The following COL21A1 variants were observed in gnomAD, a reference collection of about 807,000 sequenced individuals.
COL21A1 encodes the protein collagen alpha-1(XXI) chain.
Under a neutral mutation model 137.9 loss-of-function variants are expected in COL21A1, and 149 were observed. The ratio of observed to expected loss-of-function variants is 1.08; its 90% CI spans 0.95 to 1.24. The LOEUF (loss-of-function observed/expected upper bound fraction) is 1.24. Among genes scored for constraint, COL21A1 ranks in the 50% most tolerant of loss-of-function variants. The pLI, the probability that COL21A1 is intolerant of heterozygous loss-of-function variation, is 0.00. For synonymous variants in COL21A1, 456 were observed against 391.5 expected (o/e 1.16, Z -1.95); for missense variants, 1,167 against 1,158.4 (o/e 1.01, Z -0.11).
At chr6:56,245,679 C>T (rs1782601719) in intron 1 of COL21A1, among the ~76,000 whole-genome samples, 1 of 152,122 alleles carries the variant, frequency 6.6e-6, no homozygotes, top group Non-Finnish European at 1.5e-5. Flanking sequence ...AAATGAGGCT[C>T]GGAGAAGCTA....
chr6:56,073,546 G>A (rs957063925), intron 20 of COL21A1, among the ~76,000 whole-genome samples: 4 of 151,450 alleles, frequency 2.6e-5, no homozygotes, highest in African/African-American at 7.3e-5. Flanking sequence ...CCTTTTAGAA[G>A]GCTGTCCTAG....
intron 1 of COL21A1, among the ~76,000 whole-genome samples, chr6:56,307,135 T>C (rs1764480632): frequency 6.6e-6 from 1 of 152,188 alleles, no homozygotes; most frequent in Non-Finnish European, 1.5e-5. Context: ...CTGCCCCTAC[T>C]GGGGGATGCC....
intron 1 of COL21A1, among the ~76,000 whole-genome samples, chr6:56,232,462 G>A (rs955205606): frequency 1.7e-4 from 26 of 151,966 alleles, no homozygotes; most frequent in African/African-American, 6.0e-4. Flanking sequence ...ATAAACTCAA[G>A]ACAGTATTGT....
intron 1 of COL21A1, chr6:56,276,511 GAAAACACCTTCA>G: frequency 9.0e-7 from 1 of 1,114,554 alleles, no homozygotes. Context: ...AAATAAACCA[GAAAACACCTTCA>G]TATTAATCAT....
At chr6:56,105,014 C>A (rs1261461456) in intron 16 of COL21A1, among the ~76,000 whole-genome samples, 1 of 152,158 alleles carries the variant, frequency 6.6e-6, no homozygotes, top group Non-Finnish European at 1.5e-5. Flanking sequence ...GATCTTATGG[C>A]ATAGTTTATT....
At chr6:56,260,571 CA>C (rs373250875) in intron 1 of COL21A1, among the ~76,000 whole-genome samples, 35,856 of 82,264 alleles carry the variant, frequency 0.44, 9,982 homozygotes, top group East Asian at 0.85. Flanking sequence ...AAGACTCTAT[CA>C]AAAAAAAAAA....
At chr6:56,151,435 C>A (rs1775315251) in intron 10 of COL21A1, among the ~76,000 whole-genome samples, 1 of 152,068 alleles carries the variant, frequency 6.6e-6, no homozygotes, top group Non-Finnish European at 1.5e-5. Flanking sequence ...AAATATTTCC[C>A]CTACCTCTTT....
intron 16 of COL21A1, among the ~76,000 whole-genome samples, chr6:56,112,416 T>G (rs2152189697): frequency 6.6e-6 from 1 of 152,160 alleles, no homozygotes; most frequent in African/African-American, 2.4e-5. Flanking sequence ...AAAAATCAGG[T>G]GAGCACTCAC....
chr6:56,303,113 T>C (rs1395870834), intron 1 of COL21A1, among the ~76,000 whole-genome samples: 1 of 152,244 alleles, frequency 6.6e-6, no homozygotes, highest in Admixed American at 6.5e-5. Flanking sequence ...ACCAGTACCA[T>C]GCTGTTTTGG....
intron 1 of COL21A1, among the ~76,000 whole-genome samples, chr6:56,297,778 G>T (rs1764195600): frequency 6.6e-6 from 1 of 152,072 alleles, no homozygotes; most frequent in South Asian, 2.1e-4. Flanking sequence ...ACAACACTCT[G>T]GACTGATGGC....
intron 1 of COL21A1, among the ~76,000 whole-genome samples, chr6:56,304,423 C>G (rs1411689820): frequency 2.6e-5 from 4 of 152,062 alleles, no homozygotes; most frequent in Non-Finnish European, 4.4e-5. Context: ...TGTTATTGGT[C>G]TATTCAGAGA....
chr6:56,210,770 A>T (rs1173570423), intron 1 of COL21A1, among the ~76,000 whole-genome samples: 1 of 152,206 alleles, frequency 6.6e-6, no homozygotes, highest in African/African-American at 2.4e-5. Context: ...GTACTGTGTT[A>T]TATGACACCA....
In COL21A1 at chr6:56,170,791, C is replaced by A. The variant is rs1310097574; in HGVS notation, c.884G>T (p.Trp295Leu). ...STQRFKVKKI[W>L]DLWRILTIDG... The stretch of plus-strand genomic sequence containing the variant: ...AATAGTTAATATTCTCCATAAATCC[C>A]AAATTTTCTTGACTTTAAATCTTTG... The change falls in exon 5 of 30, where the codon TGG becomes TTG. Residue 295 changes from tryptophan (W) to leucine (L), a missense_variant. Trp to Leu is a moderately conservative substitution (Grantham distance 61). Transcript: ENST00000244728. 6.2e-7 allele frequency: 1 copy of A among 1,609,758 alleles called. No individual in the cohort carries two copies. Among genetic ancestry groups the A allele is most frequent in the Admixed American group, 1.7e-5 (1 of 59,456 alleles).
In COL21A1 at chr6:56,351,562, G is replaced by A. The variant is rs550845835; in HGVS notation, c.-39+42409C>T. On this transcript the variant is annotated intron_variant, in intron 1 of 28. Transcript: ENST00000370819. ...AGAGGGGAATCCTAAATCTGCATGT[G>A]AACCAACCCAAGTCCTGGGATCAGC... Among the ~76,000 whole-genome samples the A allele has an allele frequency of 8.5e-5, 13 of 152,324 alleles. No individual in the cohort carries two copies. In the South Asian group the frequency reaches 2.5e-3, roughly 29 times the overall value.
rs35871012 is a variant in COL21A1, at chr6:56,288,241, T to TAA, written c.-38-105587_-38-105586dup. Among the ~76,000 whole-genome samples, 104 of 110,242 alleles carry TAA rather than the reference T, an allele frequency of 9.4e-4. No individual in the cohort carries two copies. The South Asian group carries it at 0.019, about 20-fold the overall frequency. The allele number at this position is 110,242 out of a possible 152,430, so 72.3% of individuals were successfully genotyped here. ...TATTCTACTCCAGCTTATTACATTT[T>TAA]AAAAAAATAAAAGAAAAAAAAAAGG... On this transcript the variant is annotated intron_variant, in intron 1 of 28. Coordinates refer to the COL21A1 transcript ENST00000370819.
intron 1 of COL21A1, among the ~76,000 whole-genome samples, chr6:56,190,489 A>C (rs370851203): frequency 2.0e-3 from 311 of 152,364 alleles, no homozygotes; most frequent in African/African-American, 7.1e-3. Context: ...AGATGGATTT[A>C]CAGCCAAATT....
intron 1 of COL21A1, among the ~76,000 whole-genome samples, chr6:56,192,933 T>C (rs1041457491): frequency 1.3e-4 from 20 of 152,158 alleles, no homozygotes; most frequent in Admixed American, 1.2e-3. Context: ...CCATCAATGA[T>C]AGACTGGATT....
chr6:56,218,434 C>T (rs1244040660), intron 1 of COL21A1, among the ~76,000 whole-genome samples: 2 of 151,944 alleles, frequency 1.3e-5, no homozygotes, highest in Non-Finnish European at 2.9e-5. Flanking sequence ...CACCATATGG[C>T]TTGTTATTGT....
chr6:56,060,454 G>T (rs1765694832), intron 27 of COL21A1: 1 of 506,150 alleles, frequency 2.0e-6, no homozygotes, highest in East Asian at 3.5e-5. Context: ...GCCCCCAAAA[G>T]AAATTGGTGG....
Sources: allele counts gnomAD v4.1 joint callset (sites outside exome capture counted in the v4.1 genomes callset), GRCh38; gene constraint gnomAD v4.1.1; transcripts MANE v1.5; gene names NCBI Gene and HGNC (gene_info 2026-07-23, HGNC 2026-07-21).